The following EFCAB13 variants were observed in gnomAD, a reference collection of about 807,000 sequenced individuals.
The protein encoded by EFCAB13 is EF-hand calcium-binding domain-containing protein 13.
EFCAB13 carries 91 observed loss-of-function variants against 110.2 expected under a neutral mutation model. The ratio of observed to expected loss-of-function variants is 0.83; its 90% CI spans 0.70 to 0.98. EFCAB13 has a LOEUF of 0.98. Among genes scored for constraint, EFCAB13 ranks in the 50% least tolerant of loss-of-function variants. EFCAB13 has a pLI of 0.00. For synonymous variants in EFCAB13, 323 were observed against 369.9 expected (o/e 0.87, Z 1.45); for missense variants, 968 against 1,119.4 (o/e 0.86, Z 1.93).
rs1230803716 is a variant in EFCAB13, at chr17:47,391,583, G to A, written c.1726+3G>A. 3 of 1,561,952 alleles carry A rather than the reference G, an allele frequency of 1.9e-6. No homozygotes were observed. Among genetic ancestry groups the A allele is most frequent in the Non-Finnish European group, 2.6e-6 (3 of 1,160,456 alleles). ...CACAGAACTGACTGAAGCTGGTGGT[G>A]AGTGATATATTTTCAGGCAAACTGC... On this transcript the variant is annotated splice_donor_region_variant and intron_variant, in intron 15 of 24. Transcript: ENST00000331493.
At position 47,431,880 on chromosome 17, in the gene EFCAB13, T is replaced by C. The variant is rs1206850550; in HGVS notation, c.2638+1919T>C. Among the ~76,000 whole-genome samples, 1 of 152,240 alleles carries C rather than the reference T, an allele frequency of 6.6e-6. No individual in the cohort carries two copies. Among genetic ancestry groups the C allele is most frequent in the Non-Finnish European group, 1.5e-5 (1 of 68,044 alleles). On this transcript the variant is annotated intron_variant, in intron 24 of 24. Transcript: ENST00000331493. The surrounding 1 kb of genome is among the most constrained non-coding windows in gnomAD (Gnocchi z 4.1). The stretch of plus-strand genomic sequence containing the variant: ...TAAAATCTTCTACAATTTTATACCA[T>C]GATTATGTATTTGTCTACTTCTCCT...
chr17:47,386,757 G>T (rs2065678634), intron 14 of EFCAB13, among the ~76,000 whole-genome samples: 1 of 152,192 alleles, frequency 6.6e-6, no homozygotes, highest in Non-Finnish European at 1.5e-5. Context: ...CAGGGCCCTG[G>T]TGGTGTAGGC....
At chr17:47,399,689 T>C (rs1350576098) in intron 17 of EFCAB13, among the ~76,000 whole-genome samples, 2 of 152,082 alleles carry the variant, frequency 1.3e-5, no homozygotes, top group East Asian at 3.9e-4. Context: ...TCTAGTGAAA[T>C]TGAAGAGTGA....
chr17:47,370,289 A>G, intron 10 of EFCAB13, 148 bp from the exon 11 acceptor site: 1 of 633,102 alleles, frequency 1.6e-6, no homozygotes, highest in Non-Finnish European at 2.8e-6. Context: ...TTATTAATTC[A>G]TGATTTCAGA....
At chr17:47,417,380 A>G (rs915941788) in intron 23 of EFCAB13, among the ~76,000 whole-genome samples, 18 of 152,222 alleles carry the variant, frequency 1.2e-4, no homozygotes, top group Non-Finnish European at 1.8e-4. Flanking sequence ...TTCTCTAAGA[A>G]TGTTTCTCTA....
At chr17:47,344,423 A>G (rs2065403816) in intron 7 of EFCAB13, 131 bp downstream of exon 7, 1 of 1,144,908 alleles carries the variant, frequency 8.7e-7, no homozygotes, top group Non-Finnish European at 1.2e-6. Flanking sequence ...AGGATTGTGT[A>G]GAGATAAGAG....
intron 8 of EFCAB13, among the ~76,000 whole-genome samples, chr17:47,346,673 C>A (rs2065418580): frequency 6.6e-6 from 1 of 152,126 alleles, no homozygotes; most frequent in South Asian, 2.1e-4. Flanking sequence ...CCTTGATATT[C>A]TTACCTACAA....
intron 5 of EFCAB13, among the ~76,000 whole-genome samples, chr17:47,340,595 A>G (rs931935337): frequency 6.6e-6 from 1 of 151,368 alleles, no homozygotes; most frequent in African/African-American, 2.4e-5. Context: ...ATGATTTTTT[A>G]TTTTTATTTT....
chr17:47,386,567 G>T (rs774544005), intron 14 of EFCAB13, among the ~76,000 whole-genome samples: 1 of 152,106 alleles, frequency 6.6e-6, no homozygotes, highest in African/African-American at 2.4e-5. Flanking sequence ...TAGCTTGCTG[G>T]GCTCCATGGG....
At chr17:47,398,947 A>T (rs887390772) in intron 17 of EFCAB13, among the ~76,000 whole-genome samples, 1 of 152,182 alleles carries the variant, frequency 6.6e-6, no homozygotes, top group African/African-American at 2.4e-5. Flanking sequence ...TGGAGGGGAC[A>T]AGGTCTTGCT....
Position 47,391,520 on chromosome 17 carries a change from T to G in EFCAB13, c.1666T>G (p.Phe556Val), listed in dbSNP as rs943071424. Residue 556 changes from phenylalanine to valine, a missense_variant, in exon 15 of 25, where the codon TTT (phenylalanine) becomes GTT (valine). By Grantham distance (50) the Phe-to-Val change is conservative. Transcript: ENST00000331493. The stretch of plus-strand genomic sequence containing the variant: ...GGATCTAAATACTTGTCTTCAAAAT[T>G]TTGGTATTTACCTTTCTAAGCCAGA... ...YEDLNTCLQN[F>V]GIYLSKPEFK... The G allele has an allele frequency of 6.3e-7, 1 of 1,594,604 alleles. No individual in the cohort carries two copies. Among genetic ancestry groups the G allele is most frequent in the African/African-American group, 1.3e-5 (1 of 74,118 alleles).
At chr17:47,339,579 G>A (rs1213271745) in intron 5 of EFCAB13, among the ~76,000 whole-genome samples, 3 of 151,960 alleles carry the variant, frequency 2.0e-5, no homozygotes, top group Admixed American at 1.3e-4. Context: ...CTGTGCAGAC[G>A]AGTTTTGGTT....
chr17:47,339,729 C>A (rs2065373129), intron 5 of EFCAB13: 1 of 150,138 alleles, frequency 6.7e-6, no homozygotes, highest in African/African-American at 2.5e-5. Flanking sequence ...TTTTGACAGT[C>A]CAATAAGAAG....
At chr17:47,407,766 G>GT (rs1359658340) in intron 20 of EFCAB13, among the ~76,000 whole-genome samples, 2 of 151,918 alleles carry the variant, frequency 1.3e-5, no homozygotes, top group Admixed American at 1.3e-4. Context: ...TTTGTTTTTT[G>GT]TTTTTTAATT....
In EFCAB13 at chr17:47,380,872, T is replaced by C. The variant is rs2143381827; in HGVS notation, c.1582+1619T>C. On this transcript the variant is annotated intron_variant, in intron 14 of 24. Transcript: ENST00000331493. ...TTTCATCTTTGTTGGCCGCATAAAT[T>C]GCTTCTTCTTTTTTTTTTTTTTTTT... Among the ~76,000 whole-genome samples, 3 of 149,652 alleles carry C rather than the reference T, an allele frequency of 2.0e-5. No individual in the cohort carries two copies. The South Asian group carries it at 6.3e-4, about 32-fold the overall frequency.
chr17:47,417,105 AAC>A (rs1266277063), intron 23 of EFCAB13, among the ~76,000 whole-genome samples: 24 of 152,356 alleles, frequency 1.6e-4, no homozygotes, highest in Admixed American at 1.4e-3. Context: ...TTCTTACAAT[AAC>A]ACAGCTAGAG....
chr17:47,437,052 C>T (rs2143529144), intron 24 of EFCAB13, among the ~76,000 whole-genome samples: 1 of 152,146 alleles, frequency 6.6e-6, no homozygotes, highest in South Asian at 2.1e-4. Context: ...TTCAAATTTT[C>T]TTGTATTTGC....
At chr17:47,342,766 G>A (rs1350209677) in intron 6 of EFCAB13, among the ~76,000 whole-genome samples, 1 of 151,842 alleles carries the variant, frequency 6.6e-6, no homozygotes, top group Non-Finnish European at 1.5e-5. Flanking sequence ...ATTAGATTTT[G>A]TCATCCTGTT....
At chr17:47,344,952 A>G in intron 7 of EFCAB13, 64 bp from the exon 8 acceptor site, 1 of 1,232,000 alleles carries the variant, frequency 8.1e-7, no homozygotes, top group South Asian at 1.3e-5. Context: ...AAGTTTGCTA[A>G]TATTTTAAAA....
Sources: gnomAD v4.1 joint callset for allele counts (sites outside exome capture counted in the v4.1 genomes callset) on GRCh38, gnomAD v4.1.1 for gene constraint, Gnocchi (gnomAD v3.1) non-coding constraint, MANE v1.5 for transcripts, NCBI Gene and HGNC (gene_info 2026-07-23, HGNC 2026-07-21) for gene names.